The following NTRK3 variants were observed in gnomAD, a reference collection of about 807,000 sequenced individuals.
The protein encoded by NTRK3 is NT-3 growth factor receptor.
In NTRK3, 24 loss-of-function variants were observed where a neutral mutation model predicts 91.7. The observed-to-expected ratio is 0.26, with a 90% CI of 0.19 to 0.37. NTRK3 has a LOEUF of 0.37. Ranked by LOEUF, NTRK3 falls within the 10% of genes least tolerant of loss-of-function variation. NTRK3 has a pLI of 1.00. For missense variants in NTRK3, 880 were observed against 1,068.9 expected (o/e 0.82, Z 2.46); for synonymous variants, 483 against 404.0 (o/e 1.20, Z -2.34).
chr15:88,036,340 A>G (rs569712397), intron 13 of NTRK3, among the ~76,000 whole-genome samples: 10 of 152,176 alleles, frequency 6.6e-5, no homozygotes, highest in Non-Finnish European at 1.5e-5. Flanking sequence ...ATCATTCTCT[A>G]TAACAATACC....
At chr15:88,113,762 T>C (rs1244593553) in intron 13 of NTRK3, among the ~76,000 whole-genome samples, 1 of 152,196 alleles carries the variant, frequency 6.6e-6, no homozygotes, top group Non-Finnish European at 1.5e-5. Flanking sequence ...TATGATTGTT[T>C]TCATGCTACA....
At chr15:87,982,842 C>G (rs1210890779) in intron 14 of NTRK3, among the ~76,000 whole-genome samples, 1 of 151,938 alleles carries the variant, frequency 6.6e-6, no homozygotes, top group East Asian at 1.9e-4. Context: ...CTAATTCTCT[C>G]TCCCTTGCTG....
chr15:87,987,277 G>T lies in NTRK3; in HGVS notation c.1585+45580C>A, dbSNP rs1003464028. On this transcript the variant is annotated intron_variant, in intron 14 of 18. Coordinates refer to ENST00000394480, the Ensembl canonical transcript of NTRK3. The stretch of plus-strand genomic sequence containing the variant: ...CTCATATTTCTATAATCACTAAATG[G>T]ATGAACTTCCTACCCCATCTTCCCA... 2.6e-5 allele frequency among the ~76,000 whole-genome samples: 4 copies of T among 152,192 alleles called. No homozygotes were observed. The East Asian group carries it at 5.8e-4, about 22-fold the overall frequency.
At chr15:88,052,738 G>C (rs931737168) in intron 13 of NTRK3, among the ~76,000 whole-genome samples, 14 of 152,262 alleles carry the variant, frequency 9.2e-5, no homozygotes, top group Admixed American at 7.8e-4. Context: ...GAGGTGGAGG[G>C]TGTCAGGGAG....
At chr15:88,231,036 G>A (rs1420554730) in intron 3 of NTRK3, among the ~76,000 whole-genome samples, 2 of 152,082 alleles carry the variant, frequency 1.3e-5, no homozygotes, top group Non-Finnish European at 2.9e-5. Flanking sequence ...ACCAACATGG[G>A]TCTGCTGATT....
chr15:87,864,826 T>C (rs543217305), exon 19 of NTRK3: 2 of 229,324 alleles, frequency 8.7e-6, no homozygotes, highest in South Asian at 1.8e-4. Flanking sequence ...CCAGCAAGAC[T>C]GCATGCAACT....
At chr15:87,859,839 A>G (rs982868472) in exon 19 of NTRK3, 1 of 179,846 alleles carries the variant, frequency 5.6e-6, no homozygotes, top group Non-Finnish European at 1.2e-5. Context: ...CAATCAATAA[A>G]TGGAGTTGTT....
intron 3 of NTRK3, among the ~76,000 whole-genome samples, chr15:88,213,204 G>C (rs768085895): frequency 2.0e-5 from 3 of 152,128 alleles, no homozygotes; most frequent in Non-Finnish European, 4.4e-5. Flanking sequence ...TCTGATGTTG[G>C]GGTGAGCCAT....
chr15:88,144,664 T>G (rs1345232850), intron 6 of NTRK3, among the ~76,000 whole-genome samples: 1 of 152,158 alleles, frequency 6.6e-6, no homozygotes. Flanking sequence ...TTGAACTACC[T>G]GTTTAACTTA....
At chr15:88,032,517 G>C (rs1023624796) in intron 14 of NTRK3, among the ~76,000 whole-genome samples, 1 of 152,146 alleles carries the variant, frequency 6.6e-6, no homozygotes, top group African/African-American at 2.4e-5. Context: ...AACAGAGTCA[G>C]GTTATGTTTC....
At chr15:87,955,820 G>T (rs568569391) in intron 14 of NTRK3, among the ~76,000 whole-genome samples, 99 of 152,270 alleles carry the variant, frequency 6.5e-4, no homozygotes, top group African/African-American at 2.0e-3. Context: ...CCACTTATTT[G>T]CTGAGGGGTC....
At chr15:88,045,027 G>A (rs1319856140) in intron 13 of NTRK3, among the ~76,000 whole-genome samples, 1 of 152,286 alleles carries the variant, frequency 6.6e-6, no homozygotes, top group Admixed American at 6.5e-5. Flanking sequence ...GTGCTCACTG[G>A]ACCAGGTGTT....
intron 17 of NTRK3, chr15:87,916,473 T>C (rs1345732500): frequency 1.1e-5 from 8 of 701,426 alleles, no homozygotes; most frequent in Non-Finnish European, 2.1e-5. Context: ...CAGAATCCAA[T>C]ATAAGCATGC....
At chr15:87,924,505 G>A (rs1560978) in intron 17 of NTRK3, among the ~76,000 whole-genome samples, 1,567 of 152,206 alleles carry the variant, frequency 0.01, 30 homozygotes, top group African/African-American at 0.036. Context: ...ACCCCATCAT[G>A]TCCTAGACAC....
At chr15:88,182,990 C>A (rs1358917060) in intron 5 of NTRK3, among the ~76,000 whole-genome samples, 2 of 151,848 alleles carry the variant, frequency 1.3e-5, no homozygotes, top group Non-Finnish European at 2.9e-5. Context: ...TGGCTATTAG[C>A]CATACTTTCT....
rs564079849 is a variant in NTRK3, at chr15:88,233,238, G to A, written c.248+22668C>T. ...CACATTGCCAATAAATAACCCCCCC[G>A]CCCCCAGTGTAATCTCTCAGTATCC... On this transcript the variant is annotated intron_variant, in intron 3 of 18. Coordinates refer to ENST00000394480, the Ensembl canonical transcript of NTRK3. This position sits in a 1 kb window ranked among gnomAD's most constrained non-coding sequence, Gnocchi z 4.2. Among the ~76,000 whole-genome samples the A allele has an allele frequency of 1.7e-4, 26 of 152,032 alleles. No homozygotes were observed. The South Asian group carries it at 2.5e-3, about 15-fold the overall frequency.
chr15:88,164,013 C>A (rs1230075481), intron 5 of NTRK3, among the ~76,000 whole-genome samples: 1 of 152,200 alleles, frequency 6.6e-6, no homozygotes, highest in African/African-American at 2.4e-5. Context: ...TCTGCTCATG[C>A]AATCATTCAA....
rs1491365183 is a variant in NTRK3 at position 87,987,526 on chromosome 15, T to TGA, written c.1585+45330_1585+45331insTC. ...ACATAGATATATATAGATAGATAGA[T>TGA]GTGTGTGTGTGTGTGTGTGTGTAGT... is the stretch of plus-strand genomic sequence containing the variant. On this transcript the variant is annotated intron_variant, in intron 14 of 18. Coordinates refer to ENST00000394480, the Ensembl canonical transcript of NTRK3. Among the ~76,000 whole-genome samples the TGA allele has an allele frequency of 2.3e-5, 3 of 130,906 alleles. No individual in the cohort carries two copies. The East Asian group carries it at 6.1e-4, about 27-fold the overall frequency. 85.9% of individuals were successfully genotyped at this position (130,906 alleles called of 152,430 possible).
chr15:88,100,407 G>A (rs765440023), intron 13 of NTRK3, among the ~76,000 whole-genome samples: 1 of 152,160 alleles, frequency 6.6e-6, no homozygotes, highest in Non-Finnish European at 1.5e-5. Context: ...GTATTACATA[G>A]TTAACAACTG....
Sources: allele counts gnomAD v4.1 joint callset (sites outside exome capture counted in the v4.1 genomes callset), GRCh38; gene constraint gnomAD v4.1.1; non-coding constraint Gnocchi (gnomAD v3.1); transcripts MANE v1.5; gene names NCBI Gene and HGNC (gene_info 2026-07-23, HGNC 2026-07-21).